The following HPSE2 variants were observed in gnomAD, a reference collection of about 807,000 sequenced individuals.
The protein encoded by HPSE2 is inactive heparanase-2.
HPSE2 carries 38 observed loss-of-function variants against 60.5 expected under a neutral mutation model. The ratio of observed to expected loss-of-function variants is 0.63; its 90% CI spans 0.48 to 0.82. The LOEUF is 0.82. HPSE2 is among the 40% of genes least tolerant of loss of function. HPSE2 has a pLI of 0.00. For missense variants in HPSE2, 713 were observed against 740.4 expected (o/e 0.96, Z 0.43); for synonymous variants, 295 against 293.2 (o/e 1.01, Z -0.06).
chr10:98,545,747 C>G (rs1358023810), intron 9 of HPSE2, among the ~76,000 whole-genome samples: 2 of 151,684 alleles, frequency 1.3e-5, no homozygotes, highest in Admixed American at 6.6e-5. Flanking sequence ...TGGCACAAGA[C>G]AGGGATGCCC....
intron 9 of HPSE2, among the ~76,000 whole-genome samples, chr10:98,494,062 C>T (rs902728780): frequency 6.6e-6 from 1 of 152,192 alleles, no homozygotes; most frequent in Non-Finnish European, 1.5e-5. Context: ...AACTCTGCTC[C>T]TTTACAGCTC....
chr10:99,191,024 G>A (rs568797003), intron 2 of HPSE2, among the ~76,000 whole-genome samples: 1 of 152,278 alleles, frequency 6.6e-6, no homozygotes, highest in South Asian at 2.1e-4. Context: ...CGTGGCCACA[G>A]GGAGAGACTC....
At chr10:98,978,487 C>T (rs1291458646) in intron 3 of HPSE2, among the ~76,000 whole-genome samples, 4 of 152,032 alleles carry the variant, frequency 2.6e-5, no homozygotes, top group African/African-American at 9.7e-5. Flanking sequence ...ACAATAACAA[C>T]AAAACCCTAG....
chr10:98,538,896 A>G (rs1943373022), intron 9 of HPSE2, among the ~76,000 whole-genome samples: 1 of 152,194 alleles, frequency 6.6e-6, no homozygotes, highest in African/African-American at 2.4e-5. Context: ...TTGCGGGGAC[A>G]GTGAAGACAC....
intron 3 of HPSE2, among the ~76,000 whole-genome samples, chr10:99,077,589 T>G (rs1297625991): frequency 6.6e-6 from 1 of 152,108 alleles, no homozygotes; most frequent in Non-Finnish European, 1.5e-5. Flanking sequence ...TGTGTGTGTA[T>G]GTGTATATGT....
At chr10:99,219,907 G>A (rs1849252802) in intron 2 of HPSE2, among the ~76,000 whole-genome samples, 1 of 152,154 alleles carries the variant, frequency 6.6e-6, no homozygotes, top group Non-Finnish European at 1.5e-5. Flanking sequence ...TGGCTGATTA[G>A]TATTCAAATT....
chr10:98,898,051 C>T (rs925222799), intron 3 of HPSE2, among the ~76,000 whole-genome samples: 1 of 151,962 alleles, frequency 6.6e-6, no homozygotes, highest in East Asian at 1.9e-4. Context: ...GAACAGACAC[C>T]GTATCAAAGA....
intron 9 of HPSE2, among the ~76,000 whole-genome samples, chr10:98,552,903 A>C (rs1033246779): frequency 1.3e-5 from 2 of 152,150 alleles, no homozygotes; most frequent in African/African-American, 4.8e-5. Flanking sequence ...ATCAGCTACT[A>C]CACTGCAAGA....
At chr10:98,616,161 A>G (rs1024429870) in intron 8 of HPSE2, among the ~76,000 whole-genome samples, 2 of 152,140 alleles carry the variant, frequency 1.3e-5, no homozygotes, top group African/African-American at 2.4e-5. Flanking sequence ...ATTTTATTCT[A>G]AACTCTGCTG....
At chr10:99,166,435 G>A (rs1014026390) in intron 2 of HPSE2, among the ~76,000 whole-genome samples, 13 of 152,252 alleles carry the variant, frequency 8.5e-5, no homozygotes, top group Middle Eastern at 3.4e-3. Context: ...CATTGTATAA[G>A]AGTTCCAGGT....
At chr10:99,044,033 C>CAAT (rs2135482178) in intron 3 of HPSE2, among the ~76,000 whole-genome samples, 1 of 152,190 alleles carries the variant, frequency 6.6e-6, no homozygotes, top group East Asian at 1.9e-4. Flanking sequence ...AGATACTATA[C>CAAT]AATATGACTA....
intron 9 of HPSE2, among the ~76,000 whole-genome samples, chr10:98,509,816 G>A (rs866781445): frequency 3.9e-5 from 6 of 152,144 alleles, no homozygotes; most frequent in African/African-American, 4.8e-5. Context: ...CTTTTTAAAT[G>A]CTCAAATGCT....
intron 3 of HPSE2, among the ~76,000 whole-genome samples, chr10:98,769,800 G>T (rs1271667738): frequency 1.3e-5 from 2 of 152,132 alleles, no homozygotes; most frequent in African/African-American, 4.8e-5. Flanking sequence ...GAATTTATAG[G>T]CTGAGACATA....
At chr10:99,039,633 G>C (rs1957691443) in intron 3 of HPSE2, among the ~76,000 whole-genome samples, 1 of 151,914 alleles carries the variant, frequency 6.6e-6, no homozygotes, top group African/African-American at 2.4e-5. Flanking sequence ...TGCAGATACA[G>C]AGTAAGTCAT....
chr10:99,013,261 G>A, intron 3 of HPSE2: 1 of 635,510 alleles, frequency 1.6e-6, no homozygotes, highest in South Asian at 1.5e-5. Flanking sequence ...TTAACATCTT[G>A]TTTATTAGCA....
chr10:98,898,244 T>G (rs185930097), intron 3 of HPSE2, among the ~76,000 whole-genome samples: 1 of 152,178 alleles, frequency 6.6e-6, no homozygotes, highest in Non-Finnish European at 1.5e-5. Context: ...CCCAACTGAT[T>G]TGAATGTTTC....
At chr10:98,616,067 A>C (rs1024693647) in intron 8 of HPSE2, among the ~76,000 whole-genome samples, 1 of 152,218 alleles carries the variant, frequency 6.6e-6, no homozygotes, top group Non-Finnish European at 1.5e-5. Flanking sequence ...ACTTCTGCTT[A>C]GAATTCCCTT....
intron 7 of HPSE2, among the ~76,000 whole-genome samples, chr10:98,630,799 T>C (rs1254258358): frequency 6.6e-6 from 1 of 152,222 alleles, no homozygotes; most frequent in Non-Finnish European, 1.5e-5. Context: ...ATTTTACTGA[T>C]GAGAAAGCTA....
At chr10:98,639,066 C>T (rs1425897768) in intron 7 of HPSE2, among the ~76,000 whole-genome samples, 5 of 152,220 alleles carry the variant, frequency 3.3e-5, no homozygotes, top group East Asian at 3.9e-4. Context: ...TGGGTCTTGG[C>T]GACTACTTCA....
Sources: allele counts gnomAD v4.1 joint callset (sites outside exome capture counted in the v4.1 genomes callset), GRCh38; gene constraint gnomAD v4.1.1; transcripts MANE v1.5; gene names NCBI Gene and HGNC (gene_info 2026-07-23, HGNC 2026-07-21).